Variants in PDE1C observed in about 807,000 individuals in gnomAD.
PDE1C encodes the protein phosphodiesterase 1C.
A neutral mutation model predicts 93.1 loss-of-function variants in PDE1C; 62 were observed. The observed-to-expected ratio is 0.67, with a 90% CI of 0.54 to 0.82. PDE1C has a LOEUF of 0.82. PDE1C is among the 40% of genes least tolerant of loss of function. The pLI is 0.00. For missense variants in PDE1C, 742 were observed against 884.6 expected, an observed-to-expected ratio of 0.84 and a Z score of 2.04; for synonymous variants, 325 against 310.1, an observed-to-expected ratio of 1.05 and a Z score of -0.50.
At chr7:32,309,780 A>C (rs1186778188) in intron 1 of PDE1C, among the ~76,000 whole-genome samples, 1 of 152,232 alleles carries the variant, frequency 6.6e-6, no homozygotes, top group Non-Finnish European at 1.5e-5. Flanking sequence ...AACTGGTACC[A>C]ACCACTGAAA....
chr7:32,167,987 T>C (rs981735748), intron 3 of PDE1C, among the ~76,000 whole-genome samples: 7 of 152,148 alleles, frequency 4.6e-5, no homozygotes, highest in Admixed American at 1.3e-4. Flanking sequence ...TTAAGGACAA[T>C]TGCAGAAGAG....
intron 3 of PDE1C, among the ~76,000 whole-genome samples, chr7:32,125,807 T>A (rs1231982417): frequency 6.6e-6 from 1 of 151,962 alleles, no homozygotes; most frequent in African/African-American, 2.4e-5. Flanking sequence ...GTAACAAACC[T>A]GCACATTCTG....
the PDE1C span, chr7:31,642,832 C>T: frequency 6.2e-7 from 1 of 1,613,822 alleles, no homozygotes; most frequent in Non-Finnish European, 8.5e-7. Flanking sequence ...TTTTTCAAGC[C>T]AAGAAGCGAA....
intron 3 of PDE1C, among the ~76,000 whole-genome samples, chr7:32,119,685 G>A (rs1046045369): frequency 5.9e-5 from 9 of 152,092 alleles, no homozygotes; most frequent in African/African-American, 9.7e-5. Flanking sequence ...AGAGCCACAC[G>A]GGGCAAGGAA....
At chr7:31,875,038 T>C (rs556164938) in intron 5 of PDE1C, among the ~76,000 whole-genome samples, 4 of 152,312 alleles carry the variant, frequency 2.6e-5, no homozygotes, top group African/African-American at 9.6e-5. Context: ...ATCCCTTTAA[T>C]ATCCCACTAG....
At chr7:31,906,591 G>A (rs1192255752) in intron 2 of PDE1C, among the ~76,000 whole-genome samples, 1 of 152,176 alleles carries the variant, frequency 6.6e-6, no homozygotes, top group African/African-American at 2.4e-5. Context: ...AATGGCAGGT[G>A]TTATATAGGC....
the PDE1C span, among the ~76,000 whole-genome samples, chr7:31,733,310 G>A: frequency 6.6e-6 from 1 of 152,172 alleles, no homozygotes; most frequent in Non-Finnish European, 1.5e-5. Flanking sequence ...TCATTGCTGA[G>A]CATATTGCAC....
chr7:32,390,275 AT>A (rs1455172810), intron 1 of PDE1C, among the ~76,000 whole-genome samples: 1 of 152,094 alleles, frequency 6.6e-6, no homozygotes, highest in Non-Finnish European at 1.5e-5. Context: ...TATCAAGTAG[AT>A]TGTGATAAAT....
At chr7:32,058,043 C>A (rs551409658) in intron 1 of PDE1C, among the ~76,000 whole-genome samples, 1 of 152,152 alleles carries the variant, frequency 6.6e-6, no homozygotes, top group African/African-American at 2.4e-5. Context: ...CTTTGAAAAA[C>A]CAAAACTTGT....
rs537975225 is a variant in PDE1C, at chr7:31,963,276, T to C, written c.129-82416A>G. On this transcript the variant is annotated intron_variant, in intron 2 of 17. Transcript: ENST00000396191. ...AAAAGGTGGGAAATTCATTGTACGA[T>C]GTTTAACACCAAACGTTATGCTGAA... Among the ~76,000 whole-genome samples, 18 of 152,346 alleles carry C rather than the reference T, an allele frequency of 1.2e-4. No homozygotes were observed. The Middle Eastern group carries it at 0.01, about 86-fold the overall frequency.
chr7:32,181,897 C>A (rs1422181908), intron 2 of PDE1C, among the ~76,000 whole-genome samples: 2 of 151,866 alleles, frequency 1.3e-5, no homozygotes, highest in African/African-American at 4.8e-5. Flanking sequence ...ATTGATAGAC[C>A]GCTAGCAAGA....
intron 2 of PDE1C, among the ~76,000 whole-genome samples, chr7:31,946,275 A>T (rs1806592899): frequency 6.6e-6 from 1 of 152,116 alleles, no homozygotes; most frequent in Non-Finnish European, 1.5e-5. Context: ...GAGTCTTGGA[A>T]CATGTCGGGG....
the PDE1C span, among the ~76,000 whole-genome samples, chr7:31,732,741 A>G: frequency 6.6e-6 from 1 of 150,606 alleles, no homozygotes; most frequent in Non-Finnish European, 1.5e-5. Flanking sequence ...TATTGCCACA[A>G]TGTGTGTTTG....
the PDE1C span, among the ~76,000 whole-genome samples, chr7:31,680,363 A>G: frequency 6.6e-6 from 1 of 152,222 alleles, no homozygotes; most frequent in East Asian, 1.9e-4. Flanking sequence ...CTTGAAGACC[A>G]TCAATGCAGA....
At chr7:32,070,875 G>A, upstream of PDE1C, 1 of 985,736 alleles carries the variant, frequency 1.0e-6, no homozygotes, top group South Asian at 4.7e-5. Flanking sequence ...GCGGGCGGTG[G>A]GGCCTGACCC....
intron 3 of PDE1C, among the ~76,000 whole-genome samples, chr7:32,080,247 G>C (rs73098686): frequency 6.6e-6 from 1 of 151,986 alleles, no homozygotes; most frequent in Non-Finnish European, 1.5e-5. Flanking sequence ...GTCTTCTAGA[G>C]GGCAGAGATC....
At chr7:31,848,870 C>T (rs1792960729) in intron 8 of PDE1C, among the ~76,000 whole-genome samples, 1 of 152,186 alleles carries the variant, frequency 6.6e-6, no homozygotes, top group Non-Finnish European at 1.5e-5. Context: ...ATAACTTCCA[C>T]CTGCCATTGG....
At chr7:32,104,007 G>C (rs1211197147) in intron 3 of PDE1C, among the ~76,000 whole-genome samples, 1 of 152,028 alleles carries the variant, frequency 6.6e-6, no homozygotes, top group Non-Finnish European at 1.5e-5. Flanking sequence ...CAAAGACATG[G>C]AAAATAATAC....
At chr7:32,110,655 T>G (rs1798589542) in intron 3 of PDE1C, among the ~76,000 whole-genome samples, 1 of 152,148 alleles carries the variant, frequency 6.6e-6, no homozygotes, top group South Asian at 2.1e-4. Context: ...TTCTGAGCGT[T>G]GAATTCTGAG....
Sources: gnomAD v4.1 joint callset for allele counts (sites outside exome capture counted in the v4.1 genomes callset) on GRCh38, gnomAD v4.1.1 for gene constraint, MANE v1.5 for transcripts, NCBI Gene and HGNC (gene_info 2026-07-23, HGNC 2026-07-21) for gene names.